The following TERB1 variants were observed in gnomAD, a reference collection of about 807,000 sequenced individuals.
TERB1 encodes telomere repeat binding bouquet formation protein 1.
In TERB1, 63 loss-of-function variants were observed where a neutral mutation model predicts 92.3. The observed-to-expected ratio is 0.68, with a 90% CI of 0.56 to 0.84. TERB1 has a LOEUF of 0.84. Among genes scored for constraint, TERB1 ranks in the 40% least tolerant of loss-of-function variants. TERB1 has a pLI of 0.00. For synonymous variants in TERB1, 252 were observed against 283.9 expected (o/e 0.89, Z 1.13); for missense variants, 709 against 843.7 (o/e 0.84, Z 1.98).
At chr16:66,787,359 G>A (rs1645683784) in intron 6 of TERB1, among the ~76,000 whole-genome samples, 1 of 151,178 alleles carries the variant, frequency 6.6e-6, no homozygotes, top group Admixed American at 6.6e-5. Context: ...AAACTCCTGG[G>A]CTTAAGGGAT....
At chr16:66,788,976 C>T (rs1288840962) in intron 5 of TERB1, among the ~76,000 whole-genome samples, 1 of 131,398 alleles carries the variant, frequency 7.6e-6, no homozygotes, top group Non-Finnish European at 1.5e-5. Flanking sequence ...AGATGATTAC[C>T]AGAGGCTGGG....
intron 11 of TERB1, among the ~76,000 whole-genome samples, chr16:66,776,615 CAG>C (rs1403536522): frequency 6.7e-6 from 1 of 150,346 alleles, no homozygotes; most frequent in African/African-American, 2.5e-5. Context: ...GTGGAAAGAG[CAG>C]AGAGAGATTA....
Position 66,796,773 on chromosome 16 carries a change from G to A in TERB1, c.26C>T (p.Thr9Ile), listed in dbSNP as rs1471632382. The A allele has an allele frequency of 6.5e-7, 1 of 1,537,882 alleles. No individual in the cohort carries two copies. Among genetic ancestry groups the A allele is most frequent in the Non-Finnish European group, 8.8e-7 (1 of 1,135,126 alleles). The change falls in exon 3 of 19, where the codon ACA (threonine) becomes ATA (isoleucine). Residue 9 changes from threonine (T) to isoleucine (I), a missense_variant. Physicochemically the swap from Thr to Ile is moderately conservative, Grantham distance 89 (BLOSUM62 -1). Coordinates refer to ENST00000433154, the MANE Select transcript of TERB1 (RefSeq NM_001136505.2). ...ATGATCCATCAATTTCTCACCTTGT[G>A]TTTTCTTTGTGTCTTCACTTTCCAT... is the stretch of plus-strand genomic sequence containing the variant. Reference protein sequence around the residue: MESEDTKKTQEMKTDLNLL... With the variant: MESEDTKKIQEMKTDLNLL...
At chr16:66,770,375 C>T in intron 13 of TERB1, 66 bp from the exon 14 acceptor site, 1 of 1,040,174 alleles carries the variant, frequency 9.6e-7, no homozygotes, top group Non-Finnish European at 1.4e-6. Flanking sequence ...ATTTATACTT[C>T]ATTTAAATAA....
At chr16:66,779,598 A>AAAAAC (rs2018603337) in intron 9 of TERB1, among the ~76,000 whole-genome samples, 1 of 152,142 alleles carries the variant, frequency 6.6e-6, no homozygotes, top group Non-Finnish European at 1.5e-5. Context: ...ACTCTGTCTC[A>AAAAAC]AAAAACAAAC....
intron 16 of TERB1, among the ~76,000 whole-genome samples, chr16:66,765,489 G>A (rs1301973963): frequency 4.1e-5 from 6 of 147,598 alleles, no homozygotes; most frequent in Admixed American, 2.7e-4. Context: ...ACAGAATCTC[G>A]CTCTGTCACC....
intron 5 of TERB1, among the ~76,000 whole-genome samples, chr16:66,789,156 A>G (rs1344868590): frequency 6.6e-6 from 1 of 152,112 alleles, no homozygotes; most frequent in Non-Finnish European, 1.5e-5. Flanking sequence ...GTGTAACATA[A>G]TGAATAAATC....
intron 5 of TERB1, among the ~76,000 whole-genome samples, chr16:66,788,540 T>C (rs2018766215): frequency 6.7e-6 from 1 of 148,150 alleles, no homozygotes; most frequent in Non-Finnish European, 1.5e-5. Flanking sequence ...TGAAATCCCC[T>C]AGAATTTACA....
intron 18 of TERB1, 30 bp downstream of exon 18, chr16:66,758,743 G>GA (rs765434248): frequency 0.01 from 13,099 of 1,255,316 alleles, no homozygotes; most frequent in Non-Finnish European, 0.012. Context: ...CCTGTCTCAA[G>GA]AAAAAAAAAA....
At chr16:66,771,331 T>A (rs780016035) in intron 13 of TERB1, among the ~76,000 whole-genome samples, 151 of 152,212 alleles carry the variant, frequency 9.9e-4, no homozygotes, top group Non-Finnish European at 2.8e-4. Flanking sequence ...TAAACATTGC[T>A]AGTGGGAGTG....
At chr16:66,760,177 T>C (rs1489931402) in intron 16 of TERB1, among the ~76,000 whole-genome samples, 13 of 107,670 alleles carry the variant, frequency 1.2e-4, no homozygotes, top group African/African-American at 4.8e-4. Context: ...AAAGAGCATC[T>C]AGGTTGGGTG....
Position 66,786,207 on chromosome 16 carries a change from A to T in TERB1, c.461+18T>A. ...TAAGTAATGAATAATTAACAAAAAG[A>T]AATTTGTATTTGTTTACCTGAATAA... On this transcript the variant is annotated intron_variant, in intron 7 of 18. Transcript: ENST00000433154. 1 of 1,543,370 alleles carries T rather than the reference A, an allele frequency of 6.5e-7. No individual in the cohort carries two copies. The highest frequency in any genetic ancestry group is 8.8e-7 in the Non-Finnish European group (1 of 1,141,632).
At chr16:66,774,278 C>T (rs1387208660) in intron 12 of TERB1, among the ~76,000 whole-genome samples, 1 of 151,068 alleles carries the variant, frequency 6.6e-6, no homozygotes. Context: ...CTCTGCCTCC[C>T]GGGTTCACGC....
intron 9 of TERB1, among the ~76,000 whole-genome samples, chr16:66,785,056 G>A (rs1247878494): frequency 1.6e-5 from 2 of 122,224 alleles, no homozygotes; most frequent in African/African-American, 6.4e-5. Flanking sequence ...GTCTCTTTCT[G>A]TTGCCCAGGA....
At chr16:66,796,861 A>G (rs1176887116) in intron 2 of TERB1, 31 bp from the exon 3 acceptor site, 2 of 1,228,732 alleles carry the variant, frequency 1.6e-6, no homozygotes, top group African/African-American at 1.5e-5. Context: ...CTCAATTTAA[A>G]TCAATGTTTG....
At chr16:66,763,686 C>T (rs2018290160) in intron 16 of TERB1, among the ~76,000 whole-genome samples, 1 of 152,008 alleles carries the variant, frequency 6.6e-6, no homozygotes, top group Non-Finnish European at 1.5e-5. Flanking sequence ...ACATGTTTAC[C>T]CACGTAACAA....
At chr16:66,797,533 AG>A (rs1208633000) in intron 2 of TERB1, among the ~76,000 whole-genome samples, 1 of 151,124 alleles carries the variant, frequency 6.6e-6, no homozygotes, top group Non-Finnish European at 1.5e-5. Flanking sequence ...TCCCACACCC[AG>A]CCCCCATTTT....
chr16:66,789,911 A>G (rs1406250895), intron 5 of TERB1, among the ~76,000 whole-genome samples: 3 of 151,996 alleles, frequency 2.0e-5, no homozygotes, highest in Non-Finnish European at 4.4e-5. Flanking sequence ...GGGTATCACC[A>G]TGTTGTCCAG....
At chr16:66,767,548 TGAAAA>T in intron 15 of TERB1, 38 bp from the exon 16 acceptor site, 1 of 888,808 alleles carries the variant, frequency 1.1e-6, no homozygotes, top group Non-Finnish European at 1.7e-6. Flanking sequence ...TTTGGATTAA[TGAAAA>T]GAATCAGATA....
Sources: gnomAD v4.1 joint callset for allele counts (sites outside exome capture counted in the v4.1 genomes callset) on GRCh38, gnomAD v4.1.1 for gene constraint, MANE v1.5 for transcripts, NCBI Gene and HGNC (gene_info 2026-07-23, HGNC 2026-07-21) for gene names.